Variants in HDAC4 observed in about 807,000 individuals in gnomAD.
The protein encoded by HDAC4 is histone deacetylase A.
Under a neutral mutation model 135.1 loss-of-function variants are expected in HDAC4, and 16 were observed. That is an observed-to-expected ratio of 0.12 (90% CI 0.08 to 0.18). The LOEUF (loss-of-function observed/expected upper bound fraction) is 0.18. Among genes scored for constraint, HDAC4 ranks in the 10% least tolerant of loss-of-function variants. HDAC4 has a pLI of 1.00. For synonymous variants in HDAC4, 685 were observed against 653.4 expected, an observed-to-expected ratio of 1.05 and a Z score of -0.74; for missense variants, 1,143 against 1,511.8, an observed-to-expected ratio of 0.76 and a Z score of 4.05.
chr2:239,335,049 T>C (rs1436806588), intron 2 of HDAC4, among the ~76,000 whole-genome samples: 1 of 128,598 alleles, frequency 7.8e-6, no homozygotes, highest in African/African-American at 2.9e-5. Context: ...AAAAAATCCA[T>C]ATGGAAATGC....
At chr2:239,101,576 T>A (rs1054821431) in intron 16 of HDAC4, among the ~76,000 whole-genome samples, 8 of 152,058 alleles carry the variant, frequency 5.3e-5, no homozygotes, top group African/African-American at 1.9e-4. Context: ...TCTGCCTTCC[T>A]AGGGTCCTGC....
At chr2:239,294,008 G>A (rs2051694550) in intron 2 of HDAC4, among the ~76,000 whole-genome samples, 1 of 151,784 alleles carries the variant, frequency 6.6e-6, no homozygotes, top group Admixed American at 6.6e-5. Context: ...TAATTTAACA[G>A]AGACATTTCT....
At chr2:239,298,153 T>C (rs1559341787) in intron 2 of HDAC4, 2 of 1,240,952 alleles carry the variant, frequency 1.6e-6, no homozygotes, top group Admixed American at 2.3e-5. Context: ...CCAAACCAAA[T>C]AATTCTCCTC....
At chr2:239,298,651 A>G in intron 2 of HDAC4, 1 of 985,158 alleles carries the variant, frequency 1.0e-6, no homozygotes, top group Non-Finnish European at 1.2e-6. Context: ...CAGAGCCGTG[A>G]GACTGTGGCT....
intron 3 of HDAC4, among the ~76,000 whole-genome samples, chr2:239,224,417 T>C (rs754145159): frequency 1.3e-5 from 2 of 152,196 alleles, no homozygotes; most frequent in Non-Finnish European, 2.9e-5. Context: ...GGAGCCTCCA[T>C]GTCACTCAAA....
At chr2:239,078,157 C>T (rs1267451444) in intron 22 of HDAC4, among the ~76,000 whole-genome samples, 2 of 152,222 alleles carry the variant, frequency 1.3e-5, no homozygotes, top group African/African-American at 4.8e-5. Context: ...AAGCCCCCAC[C>T]CCCAGCGGCT....
chr2:239,206,648 T>C (rs965997441), intron 3 of HDAC4, among the ~76,000 whole-genome samples: 5 of 135,224 alleles, frequency 3.7e-5, no homozygotes, highest in African/African-American at 1.4e-4. Flanking sequence ...CTTCAACAGA[T>C]AAATCTCAAG....
chr2:239,139,740 C>G lies in HDAC4; in HGVS notation c.922G>C (p.Gly308Arg), dbSNP rs551711839. 6.2e-7 allele frequency: 1 copy of G among 1,613,986 alleles called. No homozygotes were observed. The highest frequency in any genetic ancestry group is 8.5e-7 in the Non-Finnish European group (1 of 1,180,018). Residue 308 changes from glycine (G) to arginine (R), a missense_variant, in exon 9 of 27, where the codon GGG becomes CGG. Physicochemically the swap from Gly to Arg is moderately radical, Grantham distance 125. Coordinates refer to ENST00000543185, the MANE Select transcript of HDAC4 (RefSeq NM_001378414.1). This position sits in a 1 kb window ranked among gnomAD's most constrained non-coding sequence, Gnocchi z 5.3. ...SGPSSPNNSS[G>R]SVSAENGIAP... ...ATACCGTTCTCCGCGCTGACGCTCC[C>G]GGAGCTGTTGTTGGGTGAGCTGGGT... is the stretch of plus-strand genomic sequence containing the variant.
At chr2:239,317,230 A>G (rs1303211992) in intron 2 of HDAC4, among the ~76,000 whole-genome samples, 1 of 152,072 alleles carries the variant, frequency 6.6e-6, no homozygotes, top group African/African-American at 2.4e-5. Context: ...CAGCAGAGGG[A>G]GTAACAAATG....
At chr2:239,242,000 T>C (rs972294163) in intron 2 of HDAC4, among the ~76,000 whole-genome samples, 1 of 151,566 alleles carries the variant, frequency 6.6e-6, no homozygotes, top group Non-Finnish European at 1.5e-5. Context: ...AAATTGGCCT[T>C]TTACTCCGCC....
intron 2 of HDAC4, among the ~76,000 whole-genome samples, chr2:239,339,833 T>C (rs1692186754): frequency 6.6e-6 from 1 of 152,046 alleles, no homozygotes; most frequent in South Asian, 2.1e-4. Context: ...CCTCCCCACA[T>C]GTGATTCTCA....
At chr2:239,092,821 A>G (rs991594165) in intron 17 of HDAC4, among the ~76,000 whole-genome samples, 3 of 150,350 alleles carry the variant, frequency 2.0e-5, no homozygotes, top group Non-Finnish European at 4.4e-5. Context: ...TGCAGGAAGG[A>G]GCAAATGGCT....
chr2:239,321,995 C>T (rs1170444659), intron 2 of HDAC4, among the ~76,000 whole-genome samples: 1 of 152,228 alleles, frequency 6.6e-6, no homozygotes, highest in Non-Finnish European at 1.5e-5. Context: ...CGGAAGTACA[C>T]TCCACAGAGC....
intron 2 of HDAC4, chr2:239,298,522 TC>T: frequency 1.9e-6 from 2 of 1,037,534 alleles, no homozygotes; most frequent in Admixed American, 1.0e-4. Context: ...TACAGGGGCC[TC>T]CTCATTTAGT....
At chr2:239,190,918 T>C (rs1457741474) in intron 3 of HDAC4, 2 of 466,858 alleles carry the variant, frequency 4.3e-6, no homozygotes, top group Non-Finnish European at 8.9e-6. Flanking sequence ...CAGCCCGACC[T>C]GCGCACCCCT....
At chr2:239,097,796 G>A (rs144441036) in intron 16 of HDAC4, among the ~76,000 whole-genome samples, 1 of 152,360 alleles carries the variant, frequency 6.6e-6, no homozygotes, top group East Asian at 1.9e-4. Flanking sequence ...GTCACCTAAT[G>A]CCAACCTCAC....
chr2:239,108,565 G>A lies in HDAC4; in HGVS notation c.1979-382C>T, dbSNP rs561018391. ...ATGTGGGACTTGTGCTGGGGAGGAC[G>A]GTGCTGACTTCTAGAAGGAGGCGAC... On this transcript the variant is annotated intron_variant, in intron 14 of 26. Transcript: ENST00000543185. 3.9e-5 allele frequency among the ~76,000 whole-genome samples: 6 copies of A among 152,226 alleles called. No homozygotes were observed. The South Asian group carries it at 1.2e-3, about 32-fold the overall frequency.
At position 239,139,187 on chromosome 2, in the gene HDAC4, C is replaced by G. The variant is rs1009595045; in HGVS notation, c.978+497G>C. On this transcript the variant is annotated intron_variant, in intron 9 of 26. Transcript: ENST00000543185. The surrounding 1 kb of genome is among the most constrained non-coding windows in gnomAD (Gnocchi z 5.3). The stretch of plus-strand genomic sequence containing the variant: ...TGCTGACCACGGGTGACGCTCCAGT[C>G]GGCCCTGACACATAGTTTGTTGGCC... Among the ~76,000 whole-genome samples, 1 of 152,106 alleles carries G rather than the reference C, an allele frequency of 6.6e-6. No homozygotes were observed. Among genetic ancestry groups the G allele is most frequent in the Non-Finnish European group, 1.5e-5 (1 of 67,982 alleles).
At chr2:239,356,930 C>T (rs1693526529) in intron 1 of HDAC4, among the ~76,000 whole-genome samples, 1 of 152,064 alleles carries the variant, frequency 6.6e-6, no homozygotes, top group Non-Finnish European at 1.5e-5. Context: ...ACAATTATAA[C>T]TGGGAATTTT....
Sources: gnomAD v4.1 joint callset for allele counts (sites outside exome capture counted in the v4.1 genomes callset) on GRCh38, gnomAD v4.1.1 for gene constraint, Gnocchi (gnomAD v3.1) non-coding constraint, MANE v1.5 for transcripts, NCBI Gene and HGNC (gene_info 2026-07-23, HGNC 2026-07-21) for gene names.